Variants in POU2F1 observed in about 807,000 individuals in gnomAD.
POU2F1 encodes the protein POU domain, class 2, transcription factor 1.
In POU2F1, 16 loss-of-function variants were observed where a neutral mutation model predicts 84.9. The ratio of observed to expected loss-of-function variants is 0.19; its 90% confidence interval spans 0.13 to 0.29. The LOEUF is 0.29. Ranked by LOEUF, POU2F1 falls within the 10% of genes least tolerant of loss-of-function variation. The pLI, the probability that POU2F1 is intolerant of heterozygous loss-of-function variation, is 1.00. For synonymous variants in POU2F1, 368 were observed against 368.3 expected (o/e 1.00, Z 0.01); for missense variants, 738 against 942.6 (o/e 0.78, Z 2.84).
chr1:167,263,983 A>G (rs1054370250), intron 1 of POU2F1, among the ~76,000 whole-genome samples: 2 of 152,196 alleles, frequency 1.3e-5, no homozygotes, highest in African/African-American at 4.8e-5. Context: ...ATTGTGGCCA[A>G]TCCTGGGTTA....
chr1:167,421,006 A>T lies in POU2F1; in HGVS notation c.*5196A>T, dbSNP rs1386846318. 1 of 152,220 alleles carries T rather than the reference A, an allele frequency of 6.6e-6. No individual in the cohort carries two copies. The highest frequency in any genetic ancestry group is 1.5e-5 in the Non-Finnish European group (1 of 68,042). 9.4% of individuals were successfully genotyped at this position (152,220 alleles called of 1,614,324 possible). ...TTTAAAATTTTCCAAAATGGACAAG[A>T]ATTGATGGGTTAATTTGCTCATAAC... On this transcript the variant is annotated 3_prime_UTR_variant, in exon 16 of 16. Transcript: ENST00000367866.
chr1:167,233,514 C>T (rs1471805249), intron 1 of POU2F1, among the ~76,000 whole-genome samples: 1 of 152,114 alleles, frequency 6.6e-6, no homozygotes, highest in African/African-American at 2.4e-5. Context: ...ACATGCTGTA[C>T]AGGTTTGTAG....
At chr1:167,283,837 A>G (rs1347237100) in intron 1 of POU2F1, among the ~76,000 whole-genome samples, 4 of 152,206 alleles carry the variant, frequency 2.6e-5, no homozygotes, top group African/African-American at 4.8e-5. Flanking sequence ...ATTGCTAGGA[A>G]TATCATAAAG....
chr1:167,248,917 A>G (rs909697084), intron 1 of POU2F1, among the ~76,000 whole-genome samples: 6 of 152,216 alleles, frequency 3.9e-5, no homozygotes, highest in Non-Finnish European at 8.8e-5. Flanking sequence ...GTACAGAAAG[A>G]GAAAATAACT....
chr1:167,325,384 A>G (rs1483688928), intron 1 of POU2F1, among the ~76,000 whole-genome samples: 3 of 152,180 alleles, frequency 2.0e-5, no homozygotes, highest in Non-Finnish European at 4.4e-5. Flanking sequence ...TGGTCAGTAC[A>G]GAATAGAGGG....
chr1:167,308,270 T>C (rs977136133), intron 1 of POU2F1, among the ~76,000 whole-genome samples: 3 of 152,090 alleles, frequency 2.0e-5, no homozygotes, highest in African/African-American at 7.2e-5. Flanking sequence ...TTTCATGATA[T>C]TGGCAATTCT....
chr1:167,400,168 G>A (rs59061129), intron 12 of POU2F1, among the ~76,000 whole-genome samples: 1,904 of 149,870 alleles, frequency 0.013, 41 homozygotes, highest in African/African-American at 0.045. Flanking sequence ...TGTATTTTTA[G>A]TTGAGACCAG....
intron 1 of POU2F1, among the ~76,000 whole-genome samples, chr1:167,243,853 A>T (rs1650104059): frequency 6.6e-6 from 1 of 152,212 alleles, no homozygotes; most frequent in Non-Finnish European, 1.5e-5. Flanking sequence ...CATCATGACC[A>T]CTATCACAAA....
chr1:167,401,578 C>T lies in POU2F1; in HGVS notation c.1555+22C>T, dbSNP rs143947461. On this transcript the variant is annotated intron_variant, in intron 13 of 15. Transcript: ENST00000367866. ...ACAGGTAAGCAGCTGCCAGGCCATGCACCTGCTGAGCACATGGGAGGCCCG... is the reference window on the plus strand; with the variant it reads ...ACAGGTAAGCAGCTGCCAGGCCATGTACCTGCTGAGCACATGGGAGGCCCG... 657 of 1,558,440 alleles carry T rather than the reference C, an allele frequency of 4.2e-4. 1 individual carries two copies. In the East Asian group the frequency reaches 0.013, roughly 30 times the overall value.
At chr1:167,261,392 C>G (rs1327882180) in intron 1 of POU2F1, among the ~76,000 whole-genome samples, 2 of 152,180 alleles carry the variant, frequency 1.3e-5, no homozygotes, top group Non-Finnish European at 2.9e-5. Context: ...AGGATTCTTG[C>G]ATAAGATAAT....
At chr1:167,289,240 A>T (rs1653746249) in intron 1 of POU2F1, among the ~76,000 whole-genome samples, 1 of 152,134 alleles carries the variant, frequency 6.6e-6, no homozygotes, top group African/African-American at 2.4e-5. Context: ...ATATTTATTG[A>T]CTTTCTAGGC....
chr1:167,262,072 C>CT (rs1278318373), intron 1 of POU2F1, among the ~76,000 whole-genome samples: 1 of 152,196 alleles, frequency 6.6e-6, no homozygotes, highest in Non-Finnish European at 1.5e-5. Flanking sequence ...TAGGAACCTT[C>CT]TTGGGACAGG....
chr1:167,239,817 G>A (rs531264264), intron 1 of POU2F1, among the ~76,000 whole-genome samples: 1 of 152,064 alleles, frequency 6.6e-6, no homozygotes, highest in South Asian at 2.1e-4. Context: ...ATGTCGTCAG[G>A]GTTATACTTT....
chr1:167,312,631 A>AT (rs1655580394), intron 1 of POU2F1, among the ~76,000 whole-genome samples: 1 of 152,136 alleles, frequency 6.6e-6, no homozygotes, highest in South Asian at 2.1e-4. Flanking sequence ...ATTTTTATAA[A>AT]TTGAGTGTAG....
chr1:167,366,763 GA>G (rs945510439), intron 3 of POU2F1, among the ~76,000 whole-genome samples: 27 of 151,802 alleles, frequency 1.8e-4, no homozygotes, highest in Non-Finnish European at 3.2e-4. Context: ...TATCCTAGAA[GA>G]AAAAAATGTT....
intron 1 of POU2F1, among the ~76,000 whole-genome samples, chr1:167,245,144 A>G (rs1325858652): frequency 6.6e-6 from 1 of 152,160 alleles, no homozygotes; most frequent in Non-Finnish European, 1.5e-5. Flanking sequence ...ATGTTACCTT[A>G]TGGGAAACTC....
Position 167,396,540 on chromosome 1 carries a change from A to G in POU2F1, c.1129+113A>G, listed in dbSNP as rs1174791153. On this transcript the variant is annotated intron_variant, in intron 10 of 15. Transcript: ENST00000367866. ...CTATTTTTGTTGTTACAGAACCTTG[A>G]AGCTTACTAATCCTGGGAGGATCAT... 9 of 1,046,774 alleles carry G rather than the reference A, an allele frequency of 8.6e-6. No individual in the cohort carries two copies. In the African/African-American group the frequency reaches 1.4e-4, roughly 17 times the overall value. 64.8% of individuals were successfully genotyped at this position (1,046,774 alleles called of 1,614,324 possible).
chr1:167,303,269 T>C (rs1046495493), intron 1 of POU2F1, among the ~76,000 whole-genome samples: 1 of 152,222 alleles, frequency 6.6e-6, no homozygotes, highest in Non-Finnish European at 1.5e-5. Context: ...ATCTCCATGG[T>C]CCTTTAGTAA....
rs1193867769 is a variant in POU2F1 at position 167,401,493 on chromosome 1, A to G, written c.1492A>G (p.Thr498Ala). 1 of 1,613,308 alleles carries G rather than the reference A, an allele frequency of 6.2e-7. No individual in the cohort carries two copies. Among genetic ancestry groups the G allele is most frequent in the Non-Finnish European group, 8.5e-7 (1 of 1,179,800 alleles). The change falls in exon 13 of 16, where the codon ACC becomes GCC. Residue 498 changes from threonine (T) to alanine (A), a missense_variant. Coordinates refer to ENST00000367866, the MANE Select transcript of POU2F1 (RefSeq NM_002697.4). ...PSLVTSSAAT[T>A]LTVSPVLPLT... ...CCTTGTGACTAGCAGTGCAGCAACTACCCTCACAGTCAGCCCTGTCCTCCC... is the reference window on the plus strand; with the variant it reads ...CCTTGTGACTAGCAGTGCAGCAACTGCCCTCACAGTCAGCCCTGTCCTCCC...
Sources: allele counts gnomAD v4.1 joint callset (sites outside exome capture counted in the v4.1 genomes callset), GRCh38; gene constraint gnomAD v4.1.1; transcripts MANE v1.5; gene names NCBI Gene and HGNC (gene_info 2026-07-23, HGNC 2026-07-21).